Variants in THADA observed in about 807,000 individuals in gnomAD.
THADA encodes THADA armadillo repeat containing.
In THADA, 213 loss-of-function variants were observed where a neutral mutation model predicts 219.8. That is an observed-to-expected ratio of 0.97 (90% CI 0.87 to 1.09). THADA has a LOEUF of 1.09. Among genes scored for constraint, THADA ranks in the 50% least tolerant of loss-of-function variants. The pLI is 0.00. For missense variants in THADA, 2,956 were observed against 2,311.3 expected (o/e 1.28, Z -5.72); for synonymous variants, 1,018 against 828.9 (o/e 1.23, Z -3.92).
intron 31 of THADA, among the ~76,000 whole-genome samples, chr2:43,299,984 T>A (rs1374399281): frequency 6.9e-6 from 1 of 143,966 alleles, no homozygotes; most frequent in Non-Finnish European, 1.5e-5. Context: ...GCCGAGATTG[T>A]GCCACTGCAC....
At chr2:43,561,231 G>T (rs931395646) in intron 15 of THADA, among the ~76,000 whole-genome samples, 2 of 152,158 alleles carry the variant, frequency 1.3e-5, no homozygotes, top group African/African-American at 2.4e-5. Flanking sequence ...AGTGCTAAAA[G>T]ATAATGGAGC....
chr2:43,231,111 TC>T lies in THADA; in HGVS notation c.5698del (p.Glu1900SerfsTer16). ...CTCTTGAATGCGTAGTCTTGTGAACTCCACTGTCTTCACAAACTCAGCAGCT... is the reference window on the plus strand; with the variant it reads ...CTCTTGAATGCGTAGTCTTGTGAACTCACTGTCTTCACAAACTCAGCAGCT... ...PPAAEFVKTV[E>X]FTRLRIQEER... On this transcript the variant is annotated frameshift_variant, in exon 38 of 38. Coordinates refer to ENST00000405975, the MANE Select transcript of THADA (RefSeq NM_022065.5). LOFTEE classifies it high-confidence loss of function. 1.2e-6 allele frequency: 2 copies of T among 1,613,886 alleles called. No individual in the cohort carries two copies. Among genetic ancestry groups the T allele is most frequent in the Non-Finnish European group, 1.7e-6 (2 of 1,179,864 alleles).
At chr2:43,426,136 A>C (rs1385921243) in intron 28 of THADA, among the ~76,000 whole-genome samples, 1 of 152,164 alleles carries the variant, frequency 6.6e-6, no homozygotes, top group African/African-American at 2.4e-5. Context: ...CAATATTTAA[A>C]TTTTCTATAT....
At chr2:43,498,319 T>C (rs2105059253) in intron 25 of THADA, among the ~76,000 whole-genome samples, 1 of 152,340 alleles carries the variant, frequency 6.6e-6, no homozygotes, top group African/African-American at 2.4e-5. Context: ...TGATAAATGT[T>C]GTTGTGAATG....
intron 29 of THADA, among the ~76,000 whole-genome samples, chr2:43,371,628 T>C (rs1353119864): frequency 6.6e-6 from 1 of 152,204 alleles, no homozygotes; most frequent in Non-Finnish European, 1.5e-5. Context: ...GAGAGATCAC[T>C]GACTTGATTT....
chr2:43,303,938 C>G (rs1025813329), intron 31 of THADA, among the ~76,000 whole-genome samples: 2 of 152,170 alleles, frequency 1.3e-5, no homozygotes, highest in African/African-American at 4.8e-5. Context: ...CCAGGTAATG[C>G]TGATGCTGCT....
chr2:43,284,179 C>CA (rs368872988), intron 35 of THADA, among the ~76,000 whole-genome samples: 25 of 150,536 alleles, frequency 1.7e-4, no homozygotes, highest in East Asian at 3.9e-4. Context: ...AACTCCATCT[C>CA]AAAAAAAAAG....
At chr2:43,430,341 C>T in intron 26 of THADA, 39 bp from the exon 27 acceptor site, 1 of 1,195,162 alleles carries the variant, frequency 8.4e-7, no homozygotes, top group East Asian at 2.5e-5. Context: ...ATCATTTATT[C>T]CCTTTGATCT....
In THADA at chr2:43,498,971, C is replaced by A. The variant is rs1688606062; in HGVS notation, c.3622-16G>T. On this transcript the variant is annotated splice_polypyrimidine_tract_variant and intron_variant, in intron 24 of 37. Transcript: ENST00000405975. ...AAGCATGAACCTAAAACAAGAAGTT[C>A]AAAATTAGTTGTGGGTTGAAAACCA... The A allele has an allele frequency of 1.3e-6, 2 of 1,553,236 alleles. No homozygotes were observed. Among genetic ancestry groups the A allele is most frequent in the Non-Finnish European group, 1.7e-6 (2 of 1,147,816 alleles).
intron 19 of THADA, among the ~76,000 whole-genome samples, chr2:43,550,269 T>C (rs1272759719): frequency 6.6e-6 from 1 of 152,212 alleles, no homozygotes; most frequent in African/African-American, 2.4e-5. Context: ...GTATTTATTG[T>C]ACATCTATTA....
intron 36 of THADA, among the ~76,000 whole-genome samples, chr2:43,253,398 A>C (rs1196441012): frequency 1.3e-5 from 2 of 152,152 alleles, no homozygotes; most frequent in South Asian, 4.1e-4. Context: ...CCTACCTCCT[A>C]CTTACTTCTA....
rs1230734651 is a variant in THADA at position 43,586,857 on chromosome 2, A to G, written c.448T>C (p.Leu150=). 1 of 1,613,748 alleles carries G rather than the reference A, an allele frequency of 6.2e-7. No homozygotes were observed. Among genetic ancestry groups the G allele is most frequent in the South Asian group, 1.1e-5 (1 of 91,032 alleles). The change falls in exon 5 of 38, where the codon TTG becomes CTG. Residue 150 remains leucine, a synonymous_variant. Transcript: ENST00000405975. ...GACTAGAAAAGTGCAGCCTTACCCA[A>G]GTTAAAGTTCTCCATACAGGAAGAA... ...NISSCMENFN[L]GRASVNNLLK...
chr2:43,563,946 T>C (rs546230339), intron 15 of THADA: 1 of 152,322 alleles, frequency 6.6e-6, no homozygotes, highest in African/African-American at 2.4e-5. Flanking sequence ...ATTAAGTCAC[T>C]GCCCAATTAC....
intron 36 of THADA, among the ~76,000 whole-genome samples, chr2:43,274,998 CTTTTT>C (rs1002469067): frequency 3.0e-5 from 2 of 66,296 alleles, no homozygotes; most frequent in African/African-American, 4.8e-5. Flanking sequence ...CTTTTCTTTT[CTTTTT>C]TTTTTTTTTT....
intron 21 of THADA, among the ~76,000 whole-genome samples, chr2:43,532,910 G>C (rs1356073307): frequency 6.6e-6 from 1 of 152,140 alleles, no homozygotes; most frequent in Non-Finnish European, 1.5e-5. Context: ...TAATTAAAGA[G>C]CTTCTGCTCA....
chr2:43,291,202 C>G (rs898471861), intron 34 of THADA, among the ~76,000 whole-genome samples: 2 of 151,936 alleles, frequency 1.3e-5, no homozygotes, highest in African/African-American at 4.8e-5. Flanking sequence ...GTAATCTCAG[C>G]ACTTTGGGAG....
chr2:43,351,172 A>G (rs1456444194), intron 29 of THADA, among the ~76,000 whole-genome samples: 2 of 152,250 alleles, frequency 1.3e-5, no homozygotes, highest in African/African-American at 4.8e-5. Flanking sequence ...CAGCAAAGAA[A>G]TATTCCTAAA....
intron 27 of THADA, among the ~76,000 whole-genome samples, chr2:43,428,735 G>A (rs1012878214): frequency 6.6e-6 from 1 of 152,002 alleles, no homozygotes; most frequent in Non-Finnish European, 1.5e-5. Flanking sequence ...TAGCAAAACA[G>A]GGAAATGGGC....
intron 3 of THADA, 115 bp from the exon 4 acceptor site, chr2:43,591,069 C>T (rs1423817551): frequency 2.0e-6 from 2 of 976,416 alleles, no homozygotes; most frequent in Admixed American, 2.6e-5. Flanking sequence ...CCCTGTAATC[C>T]CAACACTTTG....
Sources: allele counts gnomAD v4.1 joint callset (sites outside exome capture counted in the v4.1 genomes callset), GRCh38; gene constraint gnomAD v4.1.1; transcripts MANE v1.5; gene names NCBI Gene and HGNC (gene_info 2026-07-23, HGNC 2026-07-21).